The following CERKL variants were observed in gnomAD, a reference collection of about 807,000 sequenced individuals.
The protein encoded by CERKL is CERK like autophagy regulator.
A neutral mutation model predicts 63.4 loss-of-function variants in CERKL; 61 were observed. The ratio of observed to expected loss-of-function variants is 0.96; its 90% CI spans 0.78 to 1.19. The LOEUF (loss-of-function observed/expected upper bound fraction) is 1.19, where lower values mean the gene tolerates loss of function less well. Ranked by LOEUF, CERKL falls within the 50% of genes most tolerant of loss-of-function variation. The pLI is 0.00. For missense variants in CERKL, 675 were observed against 655.5 expected, an observed-to-expected ratio of 1.03 and a Z score of -0.33; for synonymous variants, 250 against 230.5, an observed-to-expected ratio of 1.08 and a Z score of -0.77.
At chr2:181,543,238 T>C (rs1007551808) in intron 11 of CERKL, among the ~76,000 whole-genome samples, 17 of 152,190 alleles carry the variant, frequency 1.1e-4, no homozygotes, top group Admixed American at 2.6e-4. Flanking sequence ...AAAACAGCAA[T>C]GAATATATAG....
At chr2:181,626,315 GAT>G in intron 1 of CERKL, among the ~76,000 whole-genome samples, 1 of 152,180 alleles carries the variant, frequency 6.6e-6, no homozygotes, top group Non-Finnish European at 1.5e-5. Context: ...AGTGAATAAT[GAT>G]ATTTGCTTGA....
intron 1 of CERKL, among the ~76,000 whole-genome samples, chr2:181,634,931 CA>C (rs1308394636): frequency 6.6e-6 from 1 of 151,966 alleles, no homozygotes; most frequent in African/African-American, 2.4e-5. Context: ...CCATATCACA[CA>C]AAAAAGGACA....
At chr2:181,633,178 G>T (rs1687037115) in intron 1 of CERKL, among the ~76,000 whole-genome samples, 1 of 152,168 alleles carries the variant, frequency 6.6e-6, no homozygotes, top group African/African-American at 2.4e-5. Context: ...GCCATGAAAG[G>T]TGCCACACCT....
intron 2 of CERKL, among the ~76,000 whole-genome samples, chr2:181,574,750 T>C (rs1274394549): frequency 6.6e-6 from 1 of 152,198 alleles, no homozygotes; most frequent in Non-Finnish European, 1.5e-5. Flanking sequence ...GTTATTAACA[T>C]CTATTTTTAA....
At position 181,537,130 on chromosome 2, in the gene CERKL, A is replaced by T. The variant is rs1268767717; in HGVS notation, c.*1054T>A. 2.2e-6 allele frequency: 1 copy of T among 453,278 alleles called. No homozygotes were observed. The highest frequency in any genetic ancestry group is 2.0e-5 in the African/African-American group (1 of 49,872). 28.1% of individuals were successfully genotyped at this position (453,278 alleles called of 1,614,324 possible). A position where few individuals can be genotyped will look rare whatever the true frequency, so the allele number is the denominator to read the frequency against. On this transcript the variant is annotated 3_prime_UTR_variant, in exon 13 of 13. Coordinates refer to ENST00000410087, the MANE Select transcript of CERKL (RefSeq NM_201548.5). ...TATGACATTTATGTATTTTTAAAAA[A>T]CTTTGTATCGTTATAAAAAGGCTAG...
chr2:181,620,037 A>G (rs953142400), intron 1 of CERKL, among the ~76,000 whole-genome samples: 2 of 152,206 alleles, frequency 1.3e-5, no homozygotes, highest in Admixed American at 1.3e-4. Flanking sequence ...GTATATTAAA[A>G]TGTTAATATT....
chr2:181,626,977 T>C (rs1195577739), intron 1 of CERKL, among the ~76,000 whole-genome samples: 12 of 152,256 alleles, frequency 7.9e-5, no homozygotes. Flanking sequence ...TGAAGAATTA[T>C]TCTTATAATA....
intron 3 of CERKL, among the ~76,000 whole-genome samples, chr2:181,568,441 C>A (rs922526984): frequency 2.5e-4 from 38 of 152,330 alleles, no homozygotes; most frequent in African/African-American, 8.9e-4. Flanking sequence ...TCCAGAACCA[C>A]TCCATGGCCA....
Position 181,538,179 on chromosome 2 carries a change from A to C in CERKL, c.*5T>G. On this transcript the variant is annotated 3_prime_UTR_variant, in exon 13 of 13. Transcript: ENST00000410087. ...TTGTACATTTCTTTTAGAAACAATT[A>C]CATGTTACTTTGGAATCATTTCTTC... 1 of 1,545,154 alleles carries C rather than the reference A, an allele frequency of 6.5e-7. No individual in the cohort carries two copies. The highest frequency in any genetic ancestry group is 1.7e-5 in the Admixed American group (1 of 59,792).
intron 2 of CERKL, among the ~76,000 whole-genome samples, chr2:181,601,634 C>T (rs1183767758): frequency 2.0e-5 from 3 of 152,164 alleles, no homozygotes; most frequent in Non-Finnish European, 4.4e-5. Flanking sequence ...TTTGGAGCCT[C>T]AACCATTCAT....
intron 1 of CERKL, chr2:181,649,504 C>G (rs1687809974): frequency 6.6e-6 from 1 of 152,190 alleles, no homozygotes; most frequent in South Asian, 2.1e-4. Context: ...CATACATACA[C>G]AAACACACAC....
At chr2:181,613,423 CA>C in intron 1 of CERKL, among the ~76,000 whole-genome samples, 1 of 152,174 alleles carries the variant, frequency 6.6e-6, no homozygotes, top group Non-Finnish European at 1.5e-5. Flanking sequence ...CAGGAGGACC[CA>C]ACAGTGAAAA....
chr2:181,549,958 G>A (rs896311157), intron 5 of CERKL, among the ~76,000 whole-genome samples: 1 of 152,072 alleles, frequency 6.6e-6, no homozygotes, highest in African/African-American at 2.4e-5. Context: ...TATAGTAACC[G>A]CTTACAGCTT....
chr2:181,608,965 T>C (rs1287338410), intron 1 of CERKL, among the ~76,000 whole-genome samples: 1 of 152,118 alleles, frequency 6.6e-6, no homozygotes, highest in Non-Finnish European at 1.5e-5. Flanking sequence ...GCATATTATA[T>C]CTAGGAATAA....
At chr2:181,549,560 G>A (rs865824275) in intron 6 of CERKL, 74 bp downstream of exon 6, 5 of 1,167,526 alleles carry the variant, frequency 4.3e-6, no homozygotes, top group Non-Finnish European at 6.4e-6. Context: ...AAAGTCTGAT[G>A]GAAATAAGAT....
chr2:181,610,315 G>T (rs1399837003), intron 1 of CERKL, among the ~76,000 whole-genome samples: 1 of 152,096 alleles, frequency 6.6e-6, no homozygotes, highest in East Asian at 1.9e-4. Context: ...TTGCCTTTTA[G>T]ATTGGCACAA....
In CERKL at chr2:181,573,735, A is replaced by G. The variant is rs1689006553; in HGVS notation, c.613+18T>C. ...ATGTTTTTGTAGATGGTGAAATTAT[A>G]TTCTGAAAATTACTTACTTGTTACA... On this transcript the variant is annotated intron_variant, in intron 3 of 12. Transcript: ENST00000410087. 1 of 1,608,008 alleles carries G rather than the reference A, an allele frequency of 6.2e-7. No individual in the cohort carries two copies. The highest frequency in any genetic ancestry group is 8.5e-7 in the Non-Finnish European group (1 of 1,175,610).
intron 1 of CERKL, among the ~76,000 whole-genome samples, chr2:181,614,211 A>G (rs925006252): frequency 1.3e-5 from 2 of 152,222 alleles, no homozygotes; most frequent in Non-Finnish European, 2.9e-5. Flanking sequence ...AAAGCCCTCC[A>G]GCTAACTTCA....
intron 3 of CERKL, among the ~76,000 whole-genome samples, chr2:181,566,513 T>C (rs1451262500): frequency 6.6e-6 from 1 of 152,126 alleles, no homozygotes; most frequent in Admixed American, 6.6e-5. Context: ...CTTAAATCGG[T>C]TTGGCAACCT....
Sources: allele counts gnomAD v4.1 joint callset (sites outside exome capture counted in the v4.1 genomes callset), GRCh38; gene constraint gnomAD v4.1.1; transcripts MANE v1.5; gene names NCBI Gene and HGNC (gene_info 2026-07-23, HGNC 2026-07-21).